Variants in LRRC40 observed in about 807,000 individuals in gnomAD.
LRRC40 encodes leucine-rich repeat-containing protein 40.
LRRC40 carries 76 observed loss-of-function variants against 72.8 expected under a neutral mutation model. The ratio of observed to expected loss-of-function variants is 1.04; its 90% CI spans 0.87 to 1.26. The LOEUF (loss-of-function observed/expected upper bound fraction) is 1.26. LRRC40 is among the 50% of genes most tolerant of loss of function. LRRC40 has a pLI of 0.00. For synonymous variants in LRRC40, 243 were observed against 254.2 expected (o/e 0.96, Z 0.42); for missense variants, 684 against 698.9 (o/e 0.98, Z 0.24).
rs769861830 is a variant in LRRC40 at position 70,189,195 on chromosome 1, C to T, written c.230G>A (p.Arg77Lys). The T allele has an allele frequency of 1.2e-6, 2 of 1,613,076 alleles. No individual in the cohort carries two copies. Among genetic ancestry groups the T allele is most frequent in the Non-Finnish European group, 1.7e-6 (2 of 1,179,844 alleles). The change falls in exon 2 of 15, where the codon AGA (arginine) becomes AAA (lysine). Residue 77 changes from arginine to lysine, a missense_variant. Arg to Lys is a conservative substitution (Grantham distance 26, BLOSUM62 2). Transcript: ENST00000370952. The stretch of plus-strand genomic sequence containing the variant: ...GGTCAAATCTGTCTGCTCCCACCAT[C>T]TTTCAGTAGCACCAAACGAAAGATT... ...NQNLSFGATE[R>K]WWEQTDLTKL...
intron 1 of LRRC40, among the ~76,000 whole-genome samples, chr1:70,201,871 G>A (rs1234421879): frequency 6.6e-6 from 1 of 152,154 alleles, no homozygotes; most frequent in Non-Finnish European, 1.5e-5. Flanking sequence ...CAGCTACTCA[G>A]GAGGCTGAGA....
chr1:70,176,531 CAAA>C (rs368720423), intron 6 of LRRC40, among the ~76,000 whole-genome samples: 1 of 29,722 alleles, frequency 3.4e-5, no homozygotes, highest in Non-Finnish European at 7.6e-5. Context: ...GAATCCATCT[CAAA>C]AAAAAAAAAA....
Position 70,145,027 on chromosome 1 carries a change from T to C in LRRC40, c.*773A>G, listed in dbSNP as rs1667249668. 6.6e-6 allele frequency: 1 copy of C among 150,886 alleles called. No individual in the cohort carries two copies. The highest frequency in any genetic ancestry group is 2.5e-5 in the African/African-American group (1 of 40,656). The allele number at this position is 150,886 out of a possible 1,614,324, so 9.3% of individuals were successfully genotyped here. A position where few individuals can be genotyped will look rare whatever the true frequency, so the allele number is the denominator to read the frequency against. ...ATAATTTTGGTGTAAACAAAAATGATATTTAATTTTTATTAAATCAAGTTT... is the reference window on the plus strand; with the variant it reads ...ATAATTTTGGTGTAAACAAAAATGACATTTAATTTTTATTAAATCAAGTTT... On this transcript the variant is annotated 3_prime_UTR_variant, in exon 15 of 15. Transcript: ENST00000370952.
chr1:70,170,309 T>A (rs144163949), intron 9 of LRRC40, among the ~76,000 whole-genome samples: 260 of 152,240 alleles, frequency 1.7e-3, no homozygotes, highest in African/African-American at 6.1e-3. Flanking sequence ...TACTTAACAA[T>A]GAAAAACTAG....
intron 10 of LRRC40, among the ~76,000 whole-genome samples, chr1:70,156,480 CCACATGTTTT>C (rs1558111137): frequency 2.0e-5 from 3 of 151,994 alleles, no homozygotes; most frequent in Non-Finnish European, 4.4e-5. Context: ...GTTATTTATG[CCACATGTTTT>C]CAAATGTAAA....
chr1:70,185,002 G>A, intron 3 of LRRC40, 88 bp from the exon 4 acceptor site: 2 of 1,091,642 alleles, frequency 1.8e-6, no homozygotes, highest in Non-Finnish European at 1.3e-6. Flanking sequence ...CAATGACACT[G>A]GACTCATAAA....
chr1:70,170,045 A>G (rs1292098044), intron 9 of LRRC40, among the ~76,000 whole-genome samples: 1 of 152,192 alleles, frequency 6.6e-6, no homozygotes, highest in Non-Finnish European at 1.5e-5. Flanking sequence ...AACATTTACA[A>G]AGAATTATAC....
chr1:70,187,294 C>T lies in LRRC40; in HGVS notation c.378G>A (p.Glu126=), dbSNP rs1167569681. The change falls in exon 3 of 15, where the codon GAG becomes GAA. Residue 126 remains glutamate (E), a synonymous_variant. Coordinates refer to ENST00000370952, the MANE Select transcript of LRRC40 (RefSeq NM_017768.5). ...CATTAAGTTTCTGAAGATTTTCTAG[C>T]TCTCTTATAGCAGAAGGAAGGGATG... ...QLTSLPSAIR[E]LENLQKLNVS... 2 of 1,587,496 alleles carry T rather than the reference C, an allele frequency of 1.3e-6. No homozygotes were observed. Among genetic ancestry groups the T allele is most frequent in the Non-Finnish European group, 1.7e-6 (2 of 1,159,336 alleles).
intron 1 of LRRC40, among the ~76,000 whole-genome samples, chr1:70,193,006 T>C (rs979798776): frequency 6.6e-6 from 1 of 151,992 alleles, no homozygotes; most frequent in Non-Finnish European, 1.5e-5. Context: ...TAAAACTCAA[T>C]GTATCCATTG....
At chr1:70,175,450 C>G (rs1252643341) in intron 7 of LRRC40, among the ~76,000 whole-genome samples, 3 of 152,024 alleles carry the variant, frequency 2.0e-5, no homozygotes, top group Non-Finnish European at 4.4e-5. Context: ...TAAAACGTAC[C>G]CATATTTGGG....
chr1:70,160,764 G>GAGAGATTTCCTTTC (rs1334566442), intron 9 of LRRC40, among the ~76,000 whole-genome samples: 2 of 152,052 alleles, frequency 1.3e-5, no homozygotes, highest in African/African-American at 2.4e-5. Flanking sequence ...ACTGTTGCGA[G>GAGAGATTTCCTTTC]AGAGATTTCC....
At chr1:70,168,177 C>G (rs1667928673) in intron 9 of LRRC40, among the ~76,000 whole-genome samples, 1 of 152,174 alleles carries the variant, frequency 6.6e-6, no homozygotes, top group Admixed American at 6.5e-5. Flanking sequence ...CATTTCTCAT[C>G]CTGCCACCAG....
At chr1:70,159,031 CCTT>C (rs1667700551) in intron 10 of LRRC40, among the ~76,000 whole-genome samples, 1 of 151,696 alleles carries the variant, frequency 6.6e-6, no homozygotes, top group Non-Finnish European at 1.5e-5. Context: ...CTTTTAATAT[CCTT>C]CTATTTCATC....
chr1:70,194,240 G>T (rs1243204513), intron 1 of LRRC40, among the ~76,000 whole-genome samples: 3 of 151,960 alleles, frequency 2.0e-5, no homozygotes, highest in Non-Finnish European at 4.4e-5. Flanking sequence ...AATGAGTTTA[G>T]AACAGTCACA....
intron 6 of LRRC40, among the ~76,000 whole-genome samples, chr1:70,177,856 C>T (rs1668143763): frequency 6.6e-6 from 1 of 152,158 alleles, no homozygotes; most frequent in African/African-American, 2.4e-5. Context: ...ATCTCTGAGA[C>T]AGCAAGACCA....
intron 13 of LRRC40, among the ~76,000 whole-genome samples, chr1:70,149,542 G>A (rs1246973576): frequency 6.6e-6 from 1 of 152,146 alleles, no homozygotes; most frequent in African/African-American, 2.4e-5. Context: ...TAACACGGAA[G>A]TTTAGGCTAG....
chr1:70,204,912 G>GT lies in LRRC40; in HGVS notation c.151+477dup, dbSNP rs1265985551. Among the ~76,000 whole-genome samples, 28 of 152,248 alleles carry GT rather than the reference G, an allele frequency of 1.8e-4. No homozygotes were observed. The South Asian group carries it at 4.4e-3, about 24-fold the overall frequency. On this transcript the variant is annotated intron_variant, in intron 1 of 14. Transcript: ENST00000370952. ...TTAGAAAATATACTCATTATTCCTT[G>GT]TAAGTAGAACTCTGCACAGCTGCAT...
At chr1:70,178,747 CTA>C (rs1668165101) in intron 6 of LRRC40, 102 bp downstream of exon 6, 1 of 622,792 alleles carries the variant, frequency 1.6e-6, no homozygotes. Flanking sequence ...GTACTTATAA[CTA>C]ATACACACTC....
intron 11 of LRRC40, among the ~76,000 whole-genome samples, chr1:70,153,175 A>AC (rs1264687013): frequency 6.6e-6 from 1 of 151,968 alleles, no homozygotes; most frequent in Non-Finnish European, 1.5e-5. Flanking sequence ...AGCTTGGCCA[A>AC]CATGGTGAAA....
Sources: allele counts gnomAD v4.1 joint callset (sites outside exome capture counted in the v4.1 genomes callset), GRCh38; gene constraint gnomAD v4.1.1; transcripts MANE v1.5; gene names NCBI Gene and HGNC (gene_info 2026-07-23, HGNC 2026-07-21).